MTAP: variants seen among roughly 807,000 people sequenced by gnomAD.
MTAP encodes the protein methylthioadenosine phosphorylase, also known as S-methyl-5'-thioadenosine phosphorylase.
MTAP carries 33 observed loss-of-function variants against 33.6 expected under a neutral mutation model. The observed-to-expected ratio is 0.98, with a 90% CI of 0.74 to 1.31. The LOEUF is 1.31. MTAP is among the 40% of genes most tolerant of loss of function. The pLI is 0.00. For synonymous variants in MTAP, 148 were observed against 125.7 expected, an observed-to-expected ratio of 1.18 and a Z score of -1.19; for missense variants, 367 against 360.0, an observed-to-expected ratio of 1.02 and a Z score of -0.16.
At chr9:21,816,619 T>G (rs1171761242) in intron 2 of MTAP, 95 bp from the exon 3 acceptor site, 2 of 1,041,292 alleles carry the variant, frequency 1.9e-6, no homozygotes, top group African/African-American at 3.2e-5. Context: ...CTCAGACTCT[T>G]CAGATTCCAT....
intron 5 of MTAP, among the ~76,000 whole-genome samples, chr9:21,846,073 T>G (rs1456273864): frequency 6.6e-6 from 1 of 152,226 alleles, no homozygotes; most frequent in East Asian, 1.9e-4. Flanking sequence ...TGTAGAAGAA[T>G]GAAACTGGAT....
At chr9:21,870,287 G>A (rs1825917784), downstream of MTAP, among the ~76,000 whole-genome samples, 1 of 152,222 alleles carries the variant, frequency 6.6e-6, no homozygotes, top group East Asian at 1.9e-4. Flanking sequence ...TCTAGTATTT[G>A]TATATATTTG....
At chr9:21,882,519 T>C (rs1166769437) in intron 1 of MTAP, among the ~76,000 whole-genome samples, 2 of 152,018 alleles carry the variant, frequency 1.3e-5, no homozygotes, top group African/African-American at 4.8e-5. Flanking sequence ...AATGGAGAAA[T>C]TTACAAAAAC....
chr9:21,919,601 A>T (rs1347348061), intron 1 of MTAP, among the ~76,000 whole-genome samples: 1 of 152,222 alleles, frequency 6.6e-6, no homozygotes, highest in Non-Finnish European at 1.5e-5. Context: ...TCAAGGGTGT[A>T]TGCAAAGGAA....
intron 1 of MTAP, among the ~76,000 whole-genome samples, chr9:21,890,324 C>A (rs1216257722): frequency 6.6e-6 from 1 of 152,192 alleles, no homozygotes; most frequent in Non-Finnish European, 1.5e-5. Context: ...AACCAGCAAT[C>A]ACCGCTGAGA....
At chr9:21,911,523 A>G (rs1410542748) in intron 1 of MTAP, among the ~76,000 whole-genome samples, 3 of 152,252 alleles carry the variant, frequency 2.0e-5, no homozygotes, top group East Asian at 3.8e-4. Flanking sequence ...CTGCTCCTGA[A>G]TGACTACTGG....
chr9:21,915,582 C>A (rs942031139), intron 1 of MTAP, among the ~76,000 whole-genome samples: 1 of 152,038 alleles, frequency 6.6e-6, no homozygotes, highest in Non-Finnish European at 1.5e-5. Flanking sequence ...AGTGGAATTA[C>A]TGGGCTATAT....
At chr9:21,921,199 G>T (rs1165469283) in intron 1 of MTAP, among the ~76,000 whole-genome samples, 1 of 151,832 alleles carries the variant, frequency 6.6e-6, no homozygotes. Context: ...TTTGGAAAAA[G>T]TTGTCCATAA....
intron 1 of MTAP, among the ~76,000 whole-genome samples, chr9:21,896,269 C>T (rs1192168742): frequency 6.6e-6 from 1 of 151,832 alleles, no homozygotes; most frequent in African/African-American, 2.4e-5. Context: ...GCAATAAATG[C>T]CCACAAGAGA....
intron 4 of MTAP, among the ~76,000 whole-genome samples, chr9:21,837,041 A>C (rs1203776182): frequency 2.0e-5 from 3 of 152,178 alleles, no homozygotes; most frequent in Admixed American, 6.5e-5. Flanking sequence ...ATTTAGAATA[A>C]TTGAATGCAC....
chr9:21,880,355 T>C (rs1034375287), intron 1 of MTAP, among the ~76,000 whole-genome samples: 4 of 152,076 alleles, frequency 2.6e-5, no homozygotes, highest in Non-Finnish European at 5.9e-5. Flanking sequence ...TTATAGATAA[T>C]CCAGTTTATG....
In MTAP at chr9:21,862,261, G is replaced by T. The variant is rs1825769653; in HGVS notation, c.*247G>T. On this transcript the variant is annotated 3_prime_UTR_variant, in exon 8 of 8. Transcript: ENST00000644715. ...TGGGAAAAAATATTACATTTTAAGGGGGAAAAAAAAACCCACCATTCTCTT... is the reference window on the plus strand; with the variant it reads ...TGGGAAAAAATATTACATTTTAAGGTGGAAAAAAAAACCCACCATTCTCTT... 1.0e-6 allele frequency: 1 copy of T among 954,758 alleles called. No individual in the cohort carries two copies. Among genetic ancestry groups the T allele is most frequent in the South Asian group, 3.2e-5 (1 of 30,978 alleles). 59.1% of individuals were successfully genotyped at this position (954,758 alleles called of 1,614,324 possible).
At chr9:21,819,961 A>G (rs529306956) in intron 4 of MTAP, among the ~76,000 whole-genome samples, 6 of 152,216 alleles carry the variant, frequency 3.9e-5, no homozygotes, top group African/African-American at 1.4e-4. Context: ...GTCTGTTCAT[A>G]TCTTTTGCCC....
chr9:21,836,835 G>A (rs1180903973), intron 4 of MTAP, among the ~76,000 whole-genome samples: 2 of 152,162 alleles, frequency 1.3e-5, no homozygotes, highest in African/African-American at 4.8e-5. Flanking sequence ...TGTTTAGTGT[G>A]TGATGAACTA....
intron 1 of MTAP, among the ~76,000 whole-genome samples, chr9:21,898,384 G>C (rs1398966581): frequency 1.3e-5 from 2 of 152,144 alleles, no homozygotes; most frequent in African/African-American, 4.8e-5. Flanking sequence ...TGACAAATAG[G>C]ATCTAATTAA....
intron 1 of MTAP, among the ~76,000 whole-genome samples, chr9:21,881,499 AGGGGT>A (rs1818010571): frequency 6.6e-6 from 1 of 152,052 alleles, no homozygotes; most frequent in Non-Finnish European, 1.5e-5. Context: ...ATATCTGATG[AGGGGT>A]TAATATCCAG....
At chr9:21,841,316 A>T (rs1825237948) in intron 5 of MTAP, among the ~76,000 whole-genome samples, 1 of 152,230 alleles carries the variant, frequency 6.6e-6, no homozygotes, top group African/African-American at 2.4e-5. Context: ...GCTGGAGGCC[A>T]GTCAACTGAG....
chr9:21,882,302 G>A (rs575495964), intron 1 of MTAP, among the ~76,000 whole-genome samples: 7 of 152,036 alleles, frequency 4.6e-5, no homozygotes, highest in Admixed American at 3.3e-4. Context: ...TACCCCTGTT[G>A]CTAAACTGTG....
intron 1 of MTAP, among the ~76,000 whole-genome samples, chr9:21,921,172 A>G (rs918292487): frequency 1.3e-5 from 2 of 152,004 alleles, no homozygotes; most frequent in South Asian, 4.1e-4. Flanking sequence ...ATTTTCCAAA[A>G]GAAACTTGTG....
Sources: allele counts gnomAD v4.1 joint callset (sites outside exome capture counted in the v4.1 genomes callset), GRCh38; gene constraint gnomAD v4.1.1; transcripts MANE v1.5; gene names NCBI Gene and HGNC (gene_info 2026-07-23, HGNC 2026-07-21).